DCC: variants seen among roughly 807,000 people sequenced by gnomAD.
DCC encodes netrin receptor DCC.
In DCC, 58 loss-of-function variants were observed where a neutral mutation model predicts 172.5. The observed-to-expected ratio is 0.34, with a 90% CI of 0.27 to 0.42. The LOEUF is 0.42. Ranked by LOEUF, DCC falls within the 10% of genes least tolerant of loss-of-function variation. The pLI is 1.00. For synonymous variants in DCC, 709 were observed against 644.5 expected, an observed-to-expected ratio of 1.10 and a Z score of -1.52; for missense variants, 1,740 against 1,791.0, an observed-to-expected ratio of 0.97 and a Z score of 0.51.
intron 2 of DCC, among the ~76,000 whole-genome samples, chr18:52,769,866 T>C (rs1356652788): frequency 1.3e-5 from 2 of 152,218 alleles, no homozygotes; most frequent in Non-Finnish European, 1.5e-5. Flanking sequence ...AATACTGTCT[T>C]TGTTCCTTTA....
intron 5 of DCC, among the ~76,000 whole-genome samples, chr18:52,943,602 A>C (rs1348698171): frequency 6.6e-6 from 1 of 152,210 alleles, no homozygotes; most frequent in Non-Finnish European, 1.5e-5. Flanking sequence ...ATGTATTTAC[A>C]GTTAAAATTT....
At chr18:52,529,447 C>A (rs1014188211) in intron 1 of DCC, among the ~76,000 whole-genome samples, 2 of 152,122 alleles carry the variant, frequency 1.3e-5, no homozygotes, top group African/African-American at 4.8e-5. Flanking sequence ...CCTGCCACCA[C>A]GCCCAGCTAA....
At chr18:52,587,384 C>T (rs78554346) in intron 1 of DCC, among the ~76,000 whole-genome samples, 3,050 of 152,248 alleles carry the variant, frequency 0.02, 109 homozygotes, top group East Asian at 0.094. Flanking sequence ...GTCCACAGAA[C>T]GGGTCATCCT....
intron 2 of DCC, among the ~76,000 whole-genome samples, chr18:52,898,754 C>T (rs1447846667): frequency 1.3e-5 from 2 of 150,694 alleles, no homozygotes; most frequent in African/African-American, 4.9e-5. Flanking sequence ...ATGTTTGCTT[C>T]TTTTGCTATT....
At position 53,353,869 on chromosome 18, in the gene DCC, A is replaced by C. The variant is rs1488596549; in HGVS notation, c.2359+13962A>C. Reference sequence around the variant, plus strand: ...TGTGCCATGTTGGTGTGCTGCACCCATTAACTTGTCATTTACATTACGTAT... The same window carrying C: ...TGTGCCATGTTGGTGTGCTGCACCCCTTAACTTGTCATTTACATTACGTAT... On this transcript the variant is annotated intron_variant, in intron 15 of 28. Coordinates refer to ENST00000442544, the MANE Select transcript of DCC (RefSeq NM_005215.4). Among the ~76,000 whole-genome samples the C allele has an allele frequency of 3.9e-5, 6 of 152,230 alleles. No homozygotes were observed. The South Asian group carries it at 1.2e-3, about 32-fold the overall frequency.
At chr18:52,797,649 G>C (rs186352863) in intron 2 of DCC, among the ~76,000 whole-genome samples, 1 of 152,322 alleles carries the variant, frequency 6.6e-6, no homozygotes, top group Non-Finnish European at 1.5e-5. Flanking sequence ...CAGTACAAAT[G>C]TTGGGTCTGA....
At chr18:52,794,414 T>C (rs779217256) in intron 2 of DCC, among the ~76,000 whole-genome samples, 7 of 152,102 alleles carry the variant, frequency 4.6e-5, no homozygotes, top group Non-Finnish European at 7.4e-5. Flanking sequence ...GTAGCTATTA[T>C]AAATGAGATC....
chr18:52,878,063 C>T (rs2039428707), intron 2 of DCC, among the ~76,000 whole-genome samples: 1 of 152,048 alleles, frequency 6.6e-6, no homozygotes, highest in Admixed American at 6.5e-5. Flanking sequence ...GCTTCCTCCT[C>T]CCTCCCCAAA....
chr18:53,056,287 A>G (rs2042402615), intron 5 of DCC, among the ~76,000 whole-genome samples: 1 of 152,092 alleles, frequency 6.6e-6, no homozygotes, highest in Admixed American at 6.6e-5. Flanking sequence ...ACTCACTATC[A>G]TGAGAACAGC....
At chr18:53,107,380 G>A (rs539978912) in intron 7 of DCC, among the ~76,000 whole-genome samples, 67 of 151,496 alleles carry the variant, frequency 4.4e-4, no homozygotes, top group African/African-American at 1.5e-3. Context: ...TCTTAAATTG[G>A]GCCCATTTTT....
intron 2 of DCC, among the ~76,000 whole-genome samples, chr18:52,885,535 G>A (rs1384346642): frequency 6.6e-6 from 1 of 152,088 alleles, no homozygotes; most frequent in Non-Finnish European, 1.5e-5. Flanking sequence ...TGTCAGGCCT[G>A]AGACCCACAC....
chr18:52,598,284 T>A (rs898437), intron 1 of DCC, among the ~76,000 whole-genome samples: 148,751 of 152,316 alleles, frequency 0.98, 72,738 homozygotes, highest in Middle Eastern at 1. Flanking sequence ...ACCCTTAGTA[T>A]GAGAGCTAAG....
chr18:53,526,072 A>G (rs188505670), intron 27 of DCC, among the ~76,000 whole-genome samples: 1 of 152,024 alleles, frequency 6.6e-6, no homozygotes, highest in South Asian at 2.1e-4. Context: ...AGCCATACAA[A>G]AAAAACCAGA....
intron 1 of DCC, among the ~76,000 whole-genome samples, chr18:52,510,033 G>A (rs2031375850): frequency 6.6e-6 from 1 of 151,964 alleles, no homozygotes; most frequent in Non-Finnish European, 1.5e-5. Context: ...GAACCCAGGA[G>A]GCGGAGGTTA....
intron 1 of DCC, among the ~76,000 whole-genome samples, chr18:52,655,350 G>A (rs890214444): frequency 1.3e-5 from 2 of 152,038 alleles, no homozygotes; most frequent in South Asian, 2.1e-4. Context: ...ATTAATAATC[G>A]AGCCATAGAG....
At chr18:53,091,811 A>ATATATATC (rs1555709964) in intron 7 of DCC, among the ~76,000 whole-genome samples, 1 of 141,190 alleles carries the variant, frequency 7.1e-6, no homozygotes, top group Non-Finnish European at 1.5e-5. Context: ...CACTGTACAT[A>ATATATATC]TATCTATCTA....
chr18:52,548,762 G>A (rs1407536828), intron 1 of DCC, among the ~76,000 whole-genome samples: 3 of 152,034 alleles, frequency 2.0e-5, no homozygotes, highest in South Asian at 2.1e-4. Flanking sequence ...TGGAATATTT[G>A]GGGTCTCAAA....
Position 53,186,696 on chromosome 18 carries a change from G to A in DCC, c.1573+7580G>A, listed in dbSNP as rs563804050. Reference sequence around the variant, plus strand: ...ATGCTTGGGATAGAAAATAAAATAAGGGCAGAAGTTTCTTTCTTTGTCTGT... The same window carrying A: ...ATGCTTGGGATAGAAAATAAAATAAAGGCAGAAGTTTCTTTCTTTGTCTGT... On this transcript the variant is annotated intron_variant, in intron 9 of 28. Coordinates refer to ENST00000442544, the MANE Select transcript of DCC (RefSeq NM_005215.4). 1.1e-4 allele frequency among the ~76,000 whole-genome samples: 16 copies of A among 152,294 alleles called. No homozygotes were observed. In the East Asian group the frequency reaches 3.1e-3, roughly 29 times the overall value.
intron 23 of DCC, among the ~76,000 whole-genome samples, chr18:53,457,900 C>CA (rs967300508): frequency 1.8e-4 from 27 of 150,866 alleles, no homozygotes; most frequent in Middle Eastern, 3.4e-3. Context: ...TCAAGAAAGA[C>CA]AAAAAAAAGG....
Sources: allele counts gnomAD v4.1 joint callset (sites outside exome capture counted in the v4.1 genomes callset), GRCh38; gene constraint gnomAD v4.1.1; transcripts MANE v1.5; gene names NCBI Gene and HGNC (gene_info 2026-07-23, HGNC 2026-07-21).